The following MTCL2 variants were observed in gnomAD, a reference collection of about 807,000 sequenced individuals.
The protein encoded by MTCL2 is microtubule crosslinking factor 2.
chr20:36,777,859 G>A, the MTCL2 span: 3 of 625,914 alleles, frequency 4.8e-6, 1 homozygote, highest in South Asian at 5.8e-5. Context: ...GGGGGTTGGA[G>A]CTGTTTTTTG....
chr20:36,863,036 C>T, the MTCL2 span: 1 of 1,404,446 alleles, frequency 7.1e-7, no homozygotes, highest in Non-Finnish European at 9.3e-7. This position sits in a 1 kb window ranked among gnomAD's most constrained non-coding sequence, Gnocchi z 6.2. Flanking sequence ...GCCCCGCACC[C>T]GAGCGCGGAC....
At chr20:36,850,414 C>T in the MTCL2 span, among the ~76,000 whole-genome samples, 2 of 152,072 alleles carry the variant, frequency 1.3e-5, no homozygotes, top group Non-Finnish European at 2.9e-5. Flanking sequence ...GTAATCCCAG[C>T]TGCTCAGGAG....
the MTCL2 span, among the ~76,000 whole-genome samples, chr20:36,857,134 T>C: frequency 6.6e-6 from 1 of 152,168 alleles, no homozygotes; most frequent in Non-Finnish European, 1.5e-5. Flanking sequence ...CTGTGGATGC[T>C]AGTGTGTGTG....
the MTCL2 span, chr20:36,797,498 T>A: frequency 6.4e-7 from 1 of 1,553,396 alleles, no homozygotes; most frequent in Non-Finnish European, 8.7e-7. Flanking sequence ...GCCGCCCCAC[T>A]CACCTCCTTC....
At chr20:36,786,576 G>T in the MTCL2 span, 1 of 1,551,082 alleles carries the variant, frequency 6.4e-7, no homozygotes, top group Non-Finnish European at 8.7e-7. Flanking sequence ...GCGGATGGCA[G>T]AGCGGGACGA....
chr20:36,796,597 TG>T, the MTCL2 span, among the ~76,000 whole-genome samples: 1 of 152,240 alleles, frequency 6.6e-6, no homozygotes, highest in Non-Finnish European at 1.5e-5. Context: ...CAAAATGTTT[TG>T]TTTCCACCTG....
the MTCL2 span, among the ~76,000 whole-genome samples, chr20:36,855,139 G>A: frequency 7.9e-5 from 12 of 152,302 alleles, no homozygotes; most frequent in African/African-American, 2.9e-4. Flanking sequence ...AAGTGCTGTC[G>A]GGTCCTTCCC....
the MTCL2 span, among the ~76,000 whole-genome samples, chr20:36,797,814 G>A: frequency 6.6e-6 from 1 of 152,338 alleles, no homozygotes; most frequent in African/African-American, 2.4e-5. Flanking sequence ...ACCTAATATA[G>A]TAACAGCCAT....
At chr20:36,785,551 C>T in the MTCL2 span, 1 of 985,426 alleles carries the variant, frequency 1.0e-6, no homozygotes, top group Non-Finnish European at 1.2e-6. Context: ...TATCTTTGCC[C>T]CCCGACCAGC....
At chr20:36,860,455 C>T in the MTCL2 span, among the ~76,000 whole-genome samples, 7 of 152,198 alleles carry the variant, frequency 4.6e-5, no homozygotes, top group Non-Finnish European at 1.0e-4. Flanking sequence ...CAGATCTGCC[C>T]TAGCACACGG....
the MTCL2 span, among the ~76,000 whole-genome samples, chr20:36,847,287 G>A: frequency 6.6e-6 from 1 of 152,214 alleles, no homozygotes; most frequent in Non-Finnish European, 1.5e-5. Flanking sequence ...TATTCCCTCT[G>A]CTAGAACGGC....
the MTCL2 span, among the ~76,000 whole-genome samples, chr20:36,796,621 G>A: frequency 2.0e-5 from 3 of 152,286 alleles, no homozygotes; most frequent in South Asian, 2.1e-4. Context: ...TTCCATTCCC[G>A]GACTCAAACA....
chr20:36,838,357 G>A, the MTCL2 span, among the ~76,000 whole-genome samples: 1 of 152,196 alleles, frequency 6.6e-6, no homozygotes, highest in Non-Finnish European at 1.5e-5. Context: ...CACTTTGGGA[G>A]GCCAAGGCAG....
At chr20:36,786,457 G>A in the MTCL2 span, 2 of 1,519,902 alleles carry the variant, frequency 1.3e-6, no homozygotes, top group South Asian at 1.2e-5. Flanking sequence ...GGGCTGGGCT[G>A]GTTGAGGCGG....
At chr20:36,791,329 G>A in the MTCL2 span, among the ~76,000 whole-genome samples, 6 of 152,084 alleles carry the variant, frequency 3.9e-5, no homozygotes, top group East Asian at 1.9e-4. Context: ...CACCGCGCCC[G>A]GCCACATTTA....
chr20:36,861,188 G>A, the MTCL2 span, among the ~76,000 whole-genome samples: 2 of 152,184 alleles, frequency 1.3e-5, no homozygotes, highest in Non-Finnish European at 1.5e-5. Context: ...CAAGAGGGCA[G>A]GAGCAAAAGA....
the MTCL2 span, among the ~76,000 whole-genome samples, chr20:36,787,375 G>A: frequency 1.3e-5 from 2 of 151,926 alleles, no homozygotes; most frequent in African/African-American, 4.8e-5. Flanking sequence ...TTACAAGCGT[G>A]TGCCACCATG....
the MTCL2 span, chr20:36,785,609 G>A: frequency 1.0e-6 from 1 of 985,382 alleles, no homozygotes; most frequent in African/African-American, 1.7e-5. Context: ...GCCTCTCAGG[G>A]TGCCAGGGAA....
the MTCL2 span, among the ~76,000 whole-genome samples, chr20:36,854,471 G>A: frequency 3.3e-5 from 5 of 152,274 alleles, no homozygotes; most frequent in Non-Finnish European, 4.4e-5. Context: ...GGAAGGAGCC[G>A]GGAACTGCAA....
Sources: gnomAD v4.1 joint callset for allele counts (sites outside exome capture counted in the v4.1 genomes callset) on GRCh38, gnomAD v4.1.1 for gene constraint, Gnocchi (gnomAD v3.1) non-coding constraint, MANE v1.5 for transcripts, NCBI Gene and HGNC (gene_info 2026-07-23, HGNC 2026-07-21) for gene names.